Variants in OLFM3 observed in about 807,000 individuals in gnomAD.
The protein encoded by OLFM3 is olfactomedin 3, also known as noelin-3.
Under a neutral mutation model 48.6 loss-of-function variants are expected in OLFM3, and 20 were observed. The observed-to-expected ratio is 0.41, with a 90% CI of 0.29 to 0.60. OLFM3 has a LOEUF of 0.60. OLFM3 is among the 20% of genes least tolerant of loss of function. The pLI, the probability that OLFM3 is intolerant of heterozygous loss-of-function variation, is 0.28. For missense variants in OLFM3, 437 were observed against 544.3 expected, an observed-to-expected ratio of 0.80 and a Z score of 1.96; for synonymous variants, 222 against 198.1, an observed-to-expected ratio of 1.12 and a Z score of -1.01.
At chr1:101,944,791 A>T (rs1659903243) in intron 1 of OLFM3, among the ~76,000 whole-genome samples, 1 of 151,892 alleles carries the variant, frequency 6.6e-6, no homozygotes, top group Admixed American at 6.6e-5. Context: ...GAGGCAGGAG[A>T]ATTGCTTGAA....
At chr1:101,866,724 AT>A (rs1656877068) in intron 1 of OLFM3, among the ~76,000 whole-genome samples, 1 of 152,184 alleles carries the variant, frequency 6.6e-6, no homozygotes, top group Admixed American at 6.5e-5. Flanking sequence ...AATTTAGGTA[AT>A]AATTTAAATG....
intron 1 of OLFM3, among the ~76,000 whole-genome samples, chr1:101,943,247 G>T (rs1659849130): frequency 6.6e-6 from 1 of 152,180 alleles, no homozygotes; most frequent in Non-Finnish European, 1.5e-5. Flanking sequence ...CTTAAAATTA[G>T]AGATGAGGGT....
intron 1 of OLFM3, chr1:101,893,525 A>T (rs3748654): frequency 0.069 from 19,749 of 286,052 alleles, 927 homozygotes; most frequent in East Asian, 0.21. Context: ...ACCAAAAACC[A>T]GGACTGGAGC....
chr1:101,967,328 C>T (rs1168376815), intron 1 of OLFM3, among the ~76,000 whole-genome samples: 1 of 151,644 alleles, frequency 6.6e-6, no homozygotes. Context: ...TACCATGACC[C>T]CTGTGGCTAT....
intron 1 of OLFM3, among the ~76,000 whole-genome samples, chr1:101,934,817 C>T (rs1295271169): frequency 6.6e-6 from 1 of 151,954 alleles, no homozygotes; most frequent in Non-Finnish European, 1.5e-5. Context: ...AAGAAAACCA[C>T]TCAAACTCAT....
In OLFM3 at chr1:101,995,104, C is replaced by T. The variant is rs74849015; in HGVS notation, c.69+1644G>A. Among the ~76,000 whole-genome samples, 1,029 of 152,096 alleles carry T rather than the reference C, an allele frequency of 6.8e-3. 10 individuals carry two copies. Among genetic ancestry groups the T allele is most frequent in the African/African-American group, 0.023 (945 of 41,544 alleles). On this transcript the variant is annotated intron_variant, in intron 1 of 5. Transcript: ENST00000370103. Reference sequence around the variant, plus strand: ...CAAAGATAACAGACAAATCAAATCACACACAAAATTGTTAATGAAGCTCTA... The same window carrying T: ...CAAAGATAACAGACAAATCAAATCATACACAAAATTGTTAATGAAGCTCTA...
At chr1:101,869,131 A>C (rs1302074608) in intron 1 of OLFM3, among the ~76,000 whole-genome samples, 1 of 152,208 alleles carries the variant, frequency 6.6e-6, no homozygotes, top group Non-Finnish European at 1.5e-5. Flanking sequence ...ACCTGTAAGA[A>C]GATGGTCACC....
intron 1 of OLFM3, among the ~76,000 whole-genome samples, chr1:101,853,844 T>A (rs375218222): frequency 6.6e-5 from 10 of 152,158 alleles, no homozygotes; most frequent in African/African-American, 2.4e-4. Flanking sequence ...TATAGTTACA[T>A]GTATTTTTTC....
At chr1:101,939,235 T>C (rs895286999) in intron 1 of OLFM3, among the ~76,000 whole-genome samples, 8 of 152,196 alleles carry the variant, frequency 5.3e-5, no homozygotes, top group African/African-American at 1.9e-4. Flanking sequence ...GCGTTTCTAC[T>C]TGTTGTTTGC....
At chr1:101,991,016 A>AAAAAAATATATAT (rs1553186119) in intron 1 of OLFM3, among the ~76,000 whole-genome samples, 10 of 32,214 alleles carry the variant, frequency 3.1e-4, no homozygotes, top group East Asian at 6.4e-4. Context: ...AAAAAAAAAA[A>AAAAAAATATATAT]ATATATATAT....
Position 101,996,819 on chromosome 1 carries a change from T to A in OLFM3, c.-3A>T. On this transcript the variant is annotated 5_prime_UTR_variant, in exon 1 of 6. Transcript: ENST00000370103. ...AGAAGGTTGGACGTCGCCTGCATTC[T>A]GATCTGGGTTTTTGCCCCTCTTTAC... 1 of 1,614,238 alleles carries A rather than the reference T, an allele frequency of 6.2e-7. No homozygotes were observed. Among genetic ancestry groups the A allele is most frequent in the Non-Finnish European group, 8.5e-7 (1 of 1,180,030 alleles).
intron 1 of OLFM3, among the ~76,000 whole-genome samples, chr1:101,947,648 G>T (rs1355030971): frequency 2.0e-5 from 3 of 152,076 alleles, no homozygotes; most frequent in Admixed American, 2.0e-4. Flanking sequence ...GTGTAGTATA[G>T]AATTAAGTTT....
chr1:101,931,575 C>G (rs965880164), intron 1 of OLFM3, among the ~76,000 whole-genome samples: 2 of 152,182 alleles, frequency 1.3e-5, no homozygotes, highest in African/African-American at 4.8e-5. Flanking sequence ...AGAGAATATA[C>G]AGCAAAGTCC....
intron 1 of OLFM3, among the ~76,000 whole-genome samples, chr1:101,848,545 C>T (rs1656101955): frequency 6.6e-6 from 1 of 150,570 alleles, no homozygotes. Context: ...TGACTTTAAT[C>T]AACTCTTATT....
chr1:101,871,643 C>A (rs1657087829), intron 1 of OLFM3, among the ~76,000 whole-genome samples: 1 of 151,864 alleles, frequency 6.6e-6, no homozygotes. Flanking sequence ...GTCACTCAGG[C>A]ACAACAAAAT....
chr1:101,864,186 G>T (rs1175346287), intron 1 of OLFM3, among the ~76,000 whole-genome samples: 1 of 151,764 alleles, frequency 6.6e-6, no homozygotes, highest in Non-Finnish European at 1.5e-5. Context: ...AATTTGTTCT[G>T]GTTCATATCC....
intron 1 of OLFM3, among the ~76,000 whole-genome samples, chr1:101,932,035 A>G (rs1233667815): frequency 6.6e-6 from 1 of 152,196 alleles, no homozygotes; most frequent in Non-Finnish European, 1.5e-5. Flanking sequence ...CAAAATATGC[A>G]TGGCTCTGGA....
intron 1 of OLFM3, among the ~76,000 whole-genome samples, chr1:101,972,403 C>A (rs1557752484): frequency 6.6e-6 from 1 of 152,138 alleles, no homozygotes; most frequent in Non-Finnish European, 1.5e-5. Flanking sequence ...AAAAATGCAT[C>A]CCTTTCTACT....
chr1:101,924,800 A>T (rs1659215677), intron 1 of OLFM3, among the ~76,000 whole-genome samples: 1 of 152,210 alleles, frequency 6.6e-6, no homozygotes, highest in South Asian at 2.1e-4. Context: ...GCTCTTCAGT[A>T]ACAGGAGAAA....
Sources: allele counts gnomAD v4.1 joint callset (sites outside exome capture counted in the v4.1 genomes callset), GRCh38; gene constraint gnomAD v4.1.1; transcripts MANE v1.5; gene names NCBI Gene and HGNC (gene_info 2026-07-23, HGNC 2026-07-21).